SLC25A26: variants seen among roughly 807,000 people sequenced by gnomAD.
The protein encoded by SLC25A26 is solute carrier family 25 member 26.
A neutral mutation model predicts 37.8 loss-of-function variants in SLC25A26; 36 were observed. The observed-to-expected ratio is 0.95, with a 90% confidence interval of 0.73 to 1.26. The LOEUF is 1.26. SLC25A26 is among the 50% of genes most tolerant of loss of function. The pLI is 0.00. For synonymous variants in SLC25A26, 129 were observed against 122.5 expected, an observed-to-expected ratio of 1.05 and a Z score of -0.35; for missense variants, 390 against 331.1, an observed-to-expected ratio of 1.18 and a Z score of -1.38.
chr3:66,206,805 A>G (rs1366398062), intron 1 of SLC25A26, among the ~76,000 whole-genome samples: 1 of 151,142 alleles, frequency 6.6e-6, no homozygotes, highest in African/African-American at 2.4e-5. Context: ...TCTTGGCCTC[A>G]AGCAATCCTC....
intron 5 of SLC25A26, among the ~76,000 whole-genome samples, chr3:66,298,117 C>T (rs906983464): frequency 6.6e-6 from 1 of 152,056 alleles, no homozygotes; most frequent in African/African-American, 2.4e-5. Context: ...GGGGTGAGGC[C>T]CAGAATTTGT....
intron 3 of SLC25A26, among the ~76,000 whole-genome samples, chr3:66,258,886 AT>A (rs971044173): frequency 4.1e-5 from 6 of 146,304 alleles, no homozygotes; most frequent in Non-Finnish European, 7.5e-5. Context: ...TTTTACATTA[AT>A]TTTTTATACC....
chr3:66,350,742 G>A (rs986128453), intron 6 of SLC25A26, among the ~76,000 whole-genome samples: 7 of 151,862 alleles, frequency 4.6e-5, no homozygotes, highest in East Asian at 2.0e-4. Flanking sequence ...ACACCCACAC[G>A]CACACACAAA....
At chr3:66,222,300 C>A (rs2106878221) in intron 1 of SLC25A26, among the ~76,000 whole-genome samples, 1 of 152,026 alleles carries the variant, frequency 6.6e-6, no homozygotes, top group Non-Finnish European at 1.5e-5. Flanking sequence ...CCTGCCTCAG[C>A]CTCCCGAGTA....
chr3:66,189,960 C>T (rs2070905247), intron 1 of SLC25A26, among the ~76,000 whole-genome samples: 1 of 152,152 alleles, frequency 6.6e-6, no homozygotes, highest in East Asian at 1.9e-4. Flanking sequence ...CCACTGCACC[C>T]AGCCTACTGT....
chr3:66,256,009 G>A (rs536822182), intron 3 of SLC25A26, among the ~76,000 whole-genome samples: 2 of 152,240 alleles, frequency 1.3e-5, no homozygotes, highest in East Asian at 3.9e-4. Flanking sequence ...TAAGAACTTG[G>A]AGGGTTATGA....
intron 1 of SLC25A26, among the ~76,000 whole-genome samples, chr3:66,177,489 C>T (rs2070607956): frequency 6.6e-6 from 1 of 152,220 alleles, no homozygotes; most frequent in Non-Finnish European, 1.5e-5. Flanking sequence ...CCCACTCACC[C>T]TTTGAGCTAC....
At chr3:66,310,532 T>C (rs2075348222) in intron 5 of SLC25A26, among the ~76,000 whole-genome samples, 1 of 151,994 alleles carries the variant, frequency 6.6e-6, no homozygotes, top group South Asian at 2.1e-4. Flanking sequence ...GAATTCGATC[T>C]GTCATGATGC....
intron 1 of SLC25A26, among the ~76,000 whole-genome samples, chr3:66,150,507 AAATATATATATATAATG>A (rs1559551737): frequency 1.1e-5 from 1 of 88,888 alleles, no homozygotes; most frequent in East Asian, 2.7e-4. Context: ...CAAGACAAAA[AAATATATATATATAATG>A]ATATATATAT....
intron 5 of SLC25A26, among the ~76,000 whole-genome samples, chr3:66,291,914 CTGT>C (rs745982104): frequency 2.7e-4 from 41 of 152,250 alleles, no homozygotes; most frequent in Non-Finnish European, 2.6e-4. Flanking sequence ...AAGTCTCCCA[CTGT>C]TGTTGTGTGG....
intron 1 of SLC25A26, among the ~76,000 whole-genome samples, chr3:66,168,986 A>C (rs1376171109): frequency 1.3e-5 from 2 of 152,120 alleles, no homozygotes; most frequent in African/African-American, 4.8e-5. Flanking sequence ...TTAGCTTGGC[A>C]TGGTGGTGTG....
intron 6 of SLC25A26, among the ~76,000 whole-genome samples, chr3:66,361,555 C>T (rs868564596): frequency 4.6e-5 from 7 of 152,192 alleles, no homozygotes; most frequent in Non-Finnish European, 8.8e-5. Context: ...CATTGAGATA[C>T]GGTAACCCAG....
chr3:66,203,267 G>T (rs2071132615), intron 1 of SLC25A26, among the ~76,000 whole-genome samples: 1 of 151,974 alleles, frequency 6.6e-6, no homozygotes, highest in African/African-American at 2.4e-5. Flanking sequence ...TGTAGTTCCA[G>T]CTACTTGGGA....
At position 66,304,863 on chromosome 3, in the gene SLC25A26, A is replaced by G. The variant is rs372439325; in HGVS notation, c.453+41484A>G. Among the ~76,000 whole-genome samples the G allele has an allele frequency of 5.9e-5, 9 of 152,334 alleles. No homozygotes were observed. The East Asian group carries it at 9.6e-4, about 16-fold the overall frequency. The stretch of plus-strand genomic sequence containing the variant: ...TAGTATTAAGAGGATGACTTATAAC[A>G]TGTACTATGATTTATAGGGCCAAAA... On this transcript the variant is annotated intron_variant, in intron 5 of 9. Coordinates refer to ENST00000354883, the MANE Select transcript of SLC25A26 (RefSeq NM_001379210.1).
At chr3:66,301,323 T>A (rs907827913) in intron 5 of SLC25A26, among the ~76,000 whole-genome samples, 9 of 152,214 alleles carry the variant, frequency 5.9e-5, no homozygotes, top group African/African-American at 2.2e-4. Context: ...ATACAGACTT[T>A]TTAAGGAATT....
chr3:66,266,304 A>G (rs528362316), intron 5 of SLC25A26, among the ~76,000 whole-genome samples: 22 of 152,346 alleles, frequency 1.4e-4, no homozygotes, highest in Admixed American at 4.6e-4. Context: ...TTTAAGCAGA[A>G]TTTTATGCAT....
upstream of SLC25A26, among the ~76,000 whole-genome samples, chr3:66,217,926 C>T (rs1022134997): frequency 1.8e-4 from 28 of 152,178 alleles, no homozygotes; most frequent in African/African-American, 5.8e-4. Context: ...CACACCCATG[C>T]GACTACTACC....
intron 5 of SLC25A26, among the ~76,000 whole-genome samples, chr3:66,331,510 T>C (rs1427438315): frequency 6.6e-6 from 1 of 152,212 alleles, no homozygotes; most frequent in East Asian, 1.9e-4. Flanking sequence ...TGTGTGTGTG[T>C]TTTTTAAACA....
chr3:66,327,797 T>C (rs2075875027), intron 5 of SLC25A26, among the ~76,000 whole-genome samples: 1 of 152,168 alleles, frequency 6.6e-6, no homozygotes, highest in African/African-American at 2.4e-5. Context: ...AAATTTGTAG[T>C]CCTGTGAGTC....
Sources: allele counts gnomAD v4.1 joint callset (sites outside exome capture counted in the v4.1 genomes callset), GRCh38; gene constraint gnomAD v4.1.1; transcripts MANE v1.5; gene names NCBI Gene and HGNC (gene_info 2026-07-23, HGNC 2026-07-21).